Variants in LPAR3 observed in about 807,000 individuals in gnomAD.
LPAR3 encodes the protein lysophosphatidic acid receptor 3, also known as LPA receptor 3.
In LPAR3, 7 loss-of-function variants were observed where a neutral mutation model predicts 17.8. The ratio of observed to expected loss-of-function variants is 0.39; its 90% CI spans 0.22 to 0.74. LPAR3 has a LOEUF of 0.74. LPAR3 is among the 30% of genes least tolerant of loss of function. The pLI is 0.40. For synonymous variants in LPAR3, 179 were observed against 179.9 expected, an observed-to-expected ratio of 0.99 and a Z score of 0.04; for missense variants, 391 against 453.4, an observed-to-expected ratio of 0.86 and a Z score of 1.25.
chr1:84,866,957 G>A (rs1027103424), intron 1 of LPAR3, among the ~76,000 whole-genome samples: 4 of 152,116 alleles, frequency 2.6e-5, no homozygotes, highest in African/African-American at 7.2e-5. Context: ...GAGGAGGATC[G>A]GGCTTCCACA....
At chr1:84,869,493 C>G (rs750996151) in intron 1 of LPAR3, among the ~76,000 whole-genome samples, 25 of 152,130 alleles carry the variant, frequency 1.6e-4, no homozygotes, top group Non-Finnish European at 3.5e-4. Context: ...CCATGAAAAA[C>G]ATACTCACTA....
chr1:84,882,846 T>C (rs1570907748), intron 1 of LPAR3, among the ~76,000 whole-genome samples: 1 of 151,996 alleles, frequency 6.6e-6, no homozygotes, highest in Non-Finnish European at 1.5e-5. Context: ...TAGAAAAAAA[T>C]AGATACTCAC....
At chr1:84,878,650 C>G (rs6702911) in intron 1 of LPAR3, among the ~76,000 whole-genome samples, 94,533 of 151,958 alleles carry the variant, frequency 0.62, 29,631 homozygotes, top group Admixed American at 0.69. Flanking sequence ...CTCAGCTCAG[C>G]TGTTGGAAGA....
intron 1 of LPAR3, among the ~76,000 whole-genome samples, chr1:84,878,815 A>G (rs1660304902): frequency 6.6e-6 from 1 of 152,114 alleles, no homozygotes; most frequent in Non-Finnish European, 1.5e-5. Context: ...CCTCCGTCCA[A>G]ACTACACTGG....
intron 1 of LPAR3, among the ~76,000 whole-genome samples, chr1:84,870,984 C>CT (rs796895842): frequency 3.3e-5 from 5 of 151,496 alleles, no homozygotes; most frequent in African/African-American, 4.8e-5. Flanking sequence ...AGCCTTTGGC[C>CT]TTTTTTTTTC....
chr1:84,846,947 T>G (rs1659604984), intron 2 of LPAR3, among the ~76,000 whole-genome samples: 1 of 152,156 alleles, frequency 6.6e-6, no homozygotes, highest in Non-Finnish European at 1.5e-5. Flanking sequence ...TGTAGTTTAT[T>G]CTCCTAGAAA....
At chr1:84,850,657 AC>A (rs1273562378) in intron 2 of LPAR3, among the ~76,000 whole-genome samples, 4 of 152,202 alleles carry the variant, frequency 2.6e-5, no homozygotes, top group Admixed American at 1.3e-4. Context: ...TCTAGTCCCA[AC>A]CCTAACCAAA....
chr1:84,853,283 A>G (rs1417831877), intron 2 of LPAR3, among the ~76,000 whole-genome samples: 1 of 152,140 alleles, frequency 6.6e-6, no homozygotes, highest in Non-Finnish European at 1.5e-5. Context: ...GCTGGAAGGA[A>G]TGAGCCCTAG....
chr1:84,876,817 T>C (rs1660268781), intron 1 of LPAR3, among the ~76,000 whole-genome samples: 1 of 152,212 alleles, frequency 6.6e-6, no homozygotes, highest in Admixed American at 6.5e-5. Flanking sequence ...TTTTCCTAAT[T>C]ATAACAACTC....
intron 1 of LPAR3, among the ~76,000 whole-genome samples, chr1:84,881,512 G>T (rs1660363851): frequency 6.6e-6 from 1 of 152,204 alleles, no homozygotes; most frequent in Non-Finnish European, 1.5e-5. Flanking sequence ...TTTCTAAAAA[G>T]TTTGGTGAAA....
intron 2 of LPAR3, among the ~76,000 whole-genome samples, chr1:84,832,575 T>C (rs1344314808): frequency 6.6e-6 from 1 of 152,140 alleles, no homozygotes; most frequent in African/African-American, 2.4e-5. Flanking sequence ...ATTGAACTAT[T>C]AGGGAAAAGG....
rs35354113 is a variant in LPAR3, at chr1:84,860,734, ATTTTTTTTTT to A, written c.736+4641_736+4650del. ...GGTTCGTAAGAAACTTTAGGATTTAATTTTTTTTTTTTTTTTTTTTTTTTGATACGGAGTC... is the reference window on the plus strand; with the variant it reads ...GGTTCGTAAGAAACTTTAGGATTTAATTTTTTTTTTTTTTGATACGGAGTC... On this transcript the variant is annotated intron_variant, in intron 2 of 2. Transcript: ENST00000370611. Among the ~76,000 whole-genome samples, 4 of 113,556 alleles carry A rather than the reference ATTTTTTTTTT, an allele frequency of 3.5e-5. No homozygotes were observed. The East Asian group carries it at 1.0e-3, about 29-fold the overall frequency. The allele number at this position is 113,556 out of a possible 152,430, so 74.5% of individuals were successfully genotyped here.
intron 1 of LPAR3, among the ~76,000 whole-genome samples, chr1:84,872,530 ATCC>A (rs1660174217): frequency 1.3e-5 from 2 of 152,338 alleles, no homozygotes; most frequent in South Asian, 4.1e-4. Context: ...AGCTACAACA[ATCC>A]AGGCAACAAA....
intron 1 of LPAR3, among the ~76,000 whole-genome samples, chr1:84,882,783 G>A (rs563150159): frequency 2.1e-4 from 32 of 152,226 alleles, no homozygotes; most frequent in Admixed American, 9.2e-4. Flanking sequence ...AAACCTGCAC[G>A]TTGTGCACAT....
At position 84,813,815 on chromosome 1, in the gene LPAR3, A is replaced by C. The variant is rs775504335; in HGVS notation, c.*31T>G. The C allele has an allele frequency of 1.3e-6, 2 of 1,558,142 alleles. No individual in the cohort carries two copies. Among genetic ancestry groups the C allele is most frequent in the Non-Finnish European group, 1.8e-6 (2 of 1,134,606 alleles). On this transcript the variant is annotated 3_prime_UTR_variant, in exon 3 of 3. Coordinates refer to ENST00000370611, the MANE Select transcript of LPAR3 (RefSeq NM_012152.3). Reference sequence around the variant, plus strand: ...TTCTTAACAGCTCTTTTCCCAGAGGAGGCCTGGGTGGGCCGAGAGGCATCC... The same window carrying C: ...TTCTTAACAGCTCTTTTCCCAGAGGCGGCCTGGGTGGGCCGAGAGGCATCC...
rs10610638 is a variant in LPAR3, at chr1:84,813,160, G to GACAC, written c.*682_*685dup. The GACAC allele has an allele frequency of 3.0e-5, 3 of 99,514 alleles. No individual in the cohort carries two copies. Among genetic ancestry groups the GACAC allele is most frequent in the East Asian group, 5.7e-4 (2 of 3,480 alleles). The allele number at this position is 99,514 out of a possible 1,614,324, so 6.2% of individuals were successfully genotyped here. On this transcript the variant is annotated 3_prime_UTR_variant, in exon 3 of 3. Transcript: ENST00000370611. ...ATATATATATATATATATATATATA[G>GACAC]ACACACACACACACACACACACACA...
chr1:84,887,485 A>G (rs1478435632), intron 1 of LPAR3, among the ~76,000 whole-genome samples: 26 of 152,198 alleles, frequency 1.7e-4, no homozygotes, highest in Admixed American at 1.7e-3. Context: ...AATGAGGAAC[A>G]GGCTATTTGC....
intron 2 of LPAR3, among the ~76,000 whole-genome samples, 158 bp downstream of exon 2, chr1:84,865,227 C>T (rs1253150467): frequency 1.3e-5 from 2 of 151,952 alleles, no homozygotes; most frequent in African/African-American, 2.4e-5. Context: ...TTTATCTTTC[C>T]TTATTAGAGT....
rs560059746 is a variant in LPAR3, at chr1:84,814,049, C to T, written c.859G>A (p.Val287Ile). The T allele has an allele frequency of 1.1e-5, 18 of 1,614,050 alleles. No homozygotes were observed. The highest frequency in any genetic ancestry group is 1.1e-4 in the African/African-American group (8 of 74,994). Residue 287 changes from valine (V) to isoleucine (I), a missense_variant, in exon 3 of 3, where the codon GTC (valine) becomes ATC (isoleucine). Coordinates refer to ENST00000370611, the MANE Select transcript of LPAR3 (RefSeq NM_012152.3). ...TAGGAGTAGATGATGGGGTTCACGA[C>T]GGAGTTGAGCAGCGCCAGCAGCAGG... ...WFLLLALLNS[V>I]VNPIIYSYKD...
Sources: gnomAD v4.1 joint callset for allele counts (sites outside exome capture counted in the v4.1 genomes callset) on GRCh38, gnomAD v4.1.1 for gene constraint, MANE v1.5 for transcripts, NCBI Gene and HGNC (gene_info 2026-07-23, HGNC 2026-07-21) for gene names.